ST6GALNAC3: variants seen among roughly 807,000 people sequenced by gnomAD.
ST6GALNAC3 encodes ST6 N-acetylgalactosaminide alpha-2,6-sialyltransferase 3.
Under a neutral mutation model 32.7 loss-of-function variants are expected in ST6GALNAC3, and 25 were observed. That is an observed-to-expected ratio of 0.76 (90% CI 0.56 to 1.07). The LOEUF is 1.07. Ranked by LOEUF, ST6GALNAC3 falls within the 50% of genes least tolerant of loss-of-function variation. The pLI is 0.00. For synonymous variants in ST6GALNAC3, 129 were observed against 133.1 expected (o/e 0.97, Z 0.21); for missense variants, 355 against 382.4 (o/e 0.93, Z 0.60).
At chr1:76,451,096 T>G (rs1244465658) in intron 3 of ST6GALNAC3, among the ~76,000 whole-genome samples, 1 of 152,140 alleles carries the variant, frequency 6.6e-6, no homozygotes, top group East Asian at 1.9e-4. Flanking sequence ...GAACGATGGT[T>G]GTATTTTTTG....
intron 2 of ST6GALNAC3, among the ~76,000 whole-genome samples, chr1:76,362,089 G>A (rs1650005866): frequency 6.6e-6 from 1 of 152,060 alleles, no homozygotes; most frequent in East Asian, 1.9e-4. Context: ...CATGACACTG[G>A]CATCTGCTCT....
chr1:76,197,928 C>A (rs1357931542), intron 1 of ST6GALNAC3, among the ~76,000 whole-genome samples: 1 of 152,194 alleles, frequency 6.6e-6, no homozygotes, highest in Non-Finnish European at 1.5e-5. Flanking sequence ...CTAAAATGGT[C>A]TCCAGATATT....
Position 76,629,663 on chromosome 1 carries a change from A to G in ST6GALNAC3, c.*857A>G. On this transcript the variant is annotated 3_prime_UTR_variant, in exon 5 of 5. Transcript: ENST00000328299. ...ATATACTGTGAAAACATTCCTAAAA[A>G]GTAACCAAAGGGTTTGCTAACTCTG... The G allele has an allele frequency of 1.0e-6, 1 of 985,548 alleles. No homozygotes were observed. The highest frequency in any genetic ancestry group is 1.2e-6 in the Non-Finnish European group (1 of 829,710). The allele number at this position is 985,548 out of a possible 1,614,324, so 61.1% of individuals were successfully genotyped here.
chr1:76,609,692 G>T (rs1647792404), intron 3 of ST6GALNAC3, among the ~76,000 whole-genome samples: 1 of 152,224 alleles, frequency 6.6e-6, no homozygotes, highest in South Asian at 2.1e-4. Context: ...AGATTAATTA[G>T]CTCATTAGCA....
At chr1:76,318,737 A>G (rs997136234) in intron 2 of ST6GALNAC3, among the ~76,000 whole-genome samples, 1 of 152,182 alleles carries the variant, frequency 6.6e-6, no homozygotes, top group Non-Finnish European at 1.5e-5. Context: ...AAAAAAATTA[A>G]AAACAGAAAC....
At chr1:76,406,217 T>C (rs146360870) in intron 2 of ST6GALNAC3, among the ~76,000 whole-genome samples, 2,365 of 152,174 alleles carry the variant, frequency 0.016, 29 homozygotes, top group Middle Eastern at 0.02. Flanking sequence ...TGAACATTGA[T>C]TCCCAAGGAC....
At chr1:76,345,869 T>C (rs879495649) in intron 2 of ST6GALNAC3, among the ~76,000 whole-genome samples, 2 of 152,090 alleles carry the variant, frequency 1.3e-5, no homozygotes, top group Non-Finnish European at 2.9e-5. Context: ...CCAATTGTCC[T>C]TCCTCAGGGC....
At chr1:76,476,762 T>C (rs1659382119) in intron 3 of ST6GALNAC3, among the ~76,000 whole-genome samples, 1 of 152,170 alleles carries the variant, frequency 6.6e-6, no homozygotes, top group African/African-American at 2.4e-5. Context: ...AACTGAAAAT[T>C]GTGCTGCCCT....
chr1:76,527,634 A>G (rs576173398), intron 3 of ST6GALNAC3, among the ~76,000 whole-genome samples: 21 of 152,202 alleles, frequency 1.4e-4, no homozygotes, highest in African/African-American at 4.3e-4. Context: ...AAGTCTCTTT[A>G]TCATGGATTA....
chr1:76,238,682 C>G (rs376230888), intron 1 of ST6GALNAC3, among the ~76,000 whole-genome samples: 27 of 152,046 alleles, frequency 1.8e-4, no homozygotes, highest in African/African-American at 6.0e-4. Context: ...GGAGAGGGGG[C>G]TTTTATTAAA....
At chr1:76,259,047 C>A (rs974352844) in intron 1 of ST6GALNAC3, among the ~76,000 whole-genome samples, 1 of 152,128 alleles carries the variant, frequency 6.6e-6, no homozygotes, top group Admixed American at 6.6e-5. Context: ...GTTTCCCTAT[C>A]TTATATGCTA....
At chr1:76,326,875 T>A (rs1383668631) in intron 2 of ST6GALNAC3, among the ~76,000 whole-genome samples, 1 of 151,360 alleles carries the variant, frequency 6.6e-6, no homozygotes, top group Non-Finnish European at 1.5e-5. Context: ...TCAATGTTTT[T>A]AAATAATCTT....
chr1:76,633,870 T>G lies in ST6GALNAC3; in HGVS notation c.*5064T>G, dbSNP rs1279408016. 1 of 152,216 alleles carries G rather than the reference T, an allele frequency of 6.6e-6. No individual in the cohort carries two copies. Among genetic ancestry groups the G allele is most frequent in the Non-Finnish European group, 1.5e-5 (1 of 68,050 alleles). 9.4% of individuals were successfully genotyped at this position (152,216 alleles called of 1,614,324 possible). A position where few individuals can be genotyped will look rare whatever the true frequency, so the allele number is the denominator to read the frequency against. Reference sequence around the variant, plus strand: ...TGAAGAATTTTGAAACTACATACACTGGCCTCTGAAAATGGTTCTTGTGGC... The same window carrying G: ...TGAAGAATTTTGAAACTACATACACGGGCCTCTGAAAATGGTTCTTGTGGC... On this transcript the variant is annotated 3_prime_UTR_variant, in exon 5 of 5. Coordinates refer to ENST00000328299, the MANE Select transcript of ST6GALNAC3 (RefSeq NM_152996.4).
intron 2 of ST6GALNAC3, among the ~76,000 whole-genome samples, chr1:76,360,078 GGAGAATTAATGTATTAT>G (rs1649806504): frequency 6.6e-6 from 1 of 152,042 alleles, no homozygotes; most frequent in African/African-American, 2.4e-5. Flanking sequence ...AGATTACAAA[GGAGAATTAATGTATTAT>G]TTATCTGAAT....
intron 1 of ST6GALNAC3, among the ~76,000 whole-genome samples, chr1:76,090,932 C>T (rs1262066262): frequency 6.6e-6 from 1 of 152,186 alleles, no homozygotes; most frequent in Non-Finnish European, 1.5e-5. Flanking sequence ...TTTTAGAGTG[C>T]TCAGAGTCCC....
Position 76,452,785 on chromosome 1 carries a change from T to C in ST6GALNAC3, c.623+40368T>C, listed in dbSNP as rs1571275362. Reference sequence around the variant, plus strand: ...CCTGGTTTTGGTATTAGGGTGATACTGGCTTCATAGAATGACTTAGGGAGG... The same window carrying C: ...CCTGGTTTTGGTATTAGGGTGATACCGGCTTCATAGAATGACTTAGGGAGG... On this transcript the variant is annotated intron_variant, in intron 3 of 4. Transcript: ENST00000328299. 8.5e-5 allele frequency among the ~76,000 whole-genome samples: 13 copies of C among 152,314 alleles called. No individual in the cohort carries two copies. The South Asian group carries it at 2.7e-3, about 32-fold the overall frequency.
chr1:76,209,368 T>C (rs1057081852), intron 1 of ST6GALNAC3, among the ~76,000 whole-genome samples: 2 of 152,212 alleles, frequency 1.3e-5, no homozygotes, highest in Non-Finnish European at 1.5e-5. Context: ...CATATGGTTG[T>C]GCAGATTGCA....
At chr1:76,569,794 G>T (rs1570311870) in intron 3 of ST6GALNAC3, among the ~76,000 whole-genome samples, 2 of 151,976 alleles carry the variant, frequency 1.3e-5, no homozygotes, top group South Asian at 4.1e-4. Flanking sequence ...GTGCTGCAGG[G>T]CTTACTGTTC....
At chr1:76,133,777 A>C (rs1649763706) in intron 1 of ST6GALNAC3, among the ~76,000 whole-genome samples, 1 of 152,200 alleles carries the variant, frequency 6.6e-6, no homozygotes, top group African/African-American at 2.4e-5. Flanking sequence ...TTCCAGGAGG[A>C]GGATCCCACA....
Sources: gnomAD v4.1 joint callset for allele counts (sites outside exome capture counted in the v4.1 genomes callset) on GRCh38, gnomAD v4.1.1 for gene constraint, MANE v1.5 for transcripts, NCBI Gene and HGNC (gene_info 2026-07-23, HGNC 2026-07-21) for gene names.